Variants in BCAR3 observed in about 807,000 individuals in gnomAD.
BCAR3 encodes the protein BCAR3 adaptor protein, NSP family member.
BCAR3 carries 37 observed loss-of-function variants against 80.1 expected under a neutral mutation model. The ratio of observed to expected loss-of-function variants is 0.46; its 90% CI spans 0.36 to 0.61. The LOEUF (loss-of-function observed/expected upper bound fraction) is 0.61. Among genes scored for constraint, BCAR3 ranks in the 20% least tolerant of loss-of-function variants. The pLI is 0.00. For synonymous variants in BCAR3, 389 were observed against 418.9 expected (o/e 0.93, Z 0.87); for missense variants, 978 against 1,068.2 (o/e 0.92, Z 1.18).
chr1:93,762,254 T>G (rs911812061), intron 2 of BCAR3, among the ~76,000 whole-genome samples: 4 of 152,054 alleles, frequency 2.6e-5, no homozygotes, highest in Non-Finnish European at 4.4e-5. Context: ...AAGCAAGAGA[T>G]CTTTCCACCT....
At position 93,589,056 on chromosome 1, in the gene BCAR3, C is replaced by T; in HGVS notation, c.850G>A (p.Asp284Asn). ...GTGAGGCTCAGCCTCTTGGCCACAT[C>T]CGGCCTTCCCTTGGTGAGGCTGCCC... ...REGSLTKGRP[D>N]VAKRLSLTMG... is the part of the protein sequence containing the mutation. The change falls in exon 5 of 12, where the codon GAT becomes AAT. Residue 284 changes from aspartate (D) to asparagine (N), a missense_variant. By Grantham distance (23) the Asp-to-Asn change is conservative. Transcript: ENST00000260502. 1 of 1,611,936 alleles carries T rather than the reference C, an allele frequency of 6.2e-7. No homozygotes were observed. The highest frequency in any genetic ancestry group is 8.5e-7 in the Non-Finnish European group (1 of 1,178,732).
chr1:93,698,347 G>C (rs1649498832), intron 3 of BCAR3, among the ~76,000 whole-genome samples: 1 of 152,240 alleles, frequency 6.6e-6, no homozygotes, highest in African/African-American at 2.4e-5. Context: ...TGACAGATAA[G>C]ACACTGGTAG....
At chr1:93,613,786 T>C in intron 3 of BCAR3, 1 of 1,529,842 alleles carries the variant, frequency 6.5e-7, no homozygotes, top group East Asian at 2.5e-5. Context: ...TTTAGGAAAC[T>C]CATGCTTTCA....
intron 7 of BCAR3, among the ~76,000 whole-genome samples, chr1:93,579,883 A>C (rs1293123595): frequency 6.6e-6 from 1 of 152,256 alleles, no homozygotes; most frequent in Non-Finnish European, 1.5e-5. Flanking sequence ...ACTAGAACAG[A>C]AATCCTCAAT....
intron 6 of BCAR3, among the ~76,000 whole-genome samples, 166 bp from the exon 7 acceptor site, chr1:93,583,119 AG>A (rs1192296441): frequency 6.6e-6 from 1 of 152,126 alleles, no homozygotes; most frequent in African/African-American, 2.4e-5. Flanking sequence ...GCCCAATCTC[AG>A]GGAGTCTACA....
chr1:93,617,020 A>C (rs991740471), intron 3 of BCAR3, among the ~76,000 whole-genome samples: 8 of 152,240 alleles, frequency 5.3e-5, no homozygotes, highest in Non-Finnish European at 8.8e-5. Flanking sequence ...AAGGGGGTTA[A>C]GGCAGGCCGG....
intron 3 of BCAR3, among the ~76,000 whole-genome samples, chr1:93,625,045 C>T (rs1037204420): frequency 6.6e-6 from 1 of 152,182 alleles, no homozygotes. Flanking sequence ...CCCACCTCTA[C>T]TAAAAATACA....
chr1:93,634,404 A>G (rs982792464), intron 3 of BCAR3, among the ~76,000 whole-genome samples: 6 of 152,058 alleles, frequency 3.9e-5, no homozygotes, highest in African/African-American at 1.4e-4. Flanking sequence ...TAAAATGGGG[A>G]GTTTTGGCTG....
chr1:93,703,888 G>A lies in BCAR3; in HGVS notation c.-12+2204C>T, dbSNP rs774090303. ...CAAGTCCAGGGAGTGACGAGTGCAC[G>A]AGTCAGGTAATGGCTACAGCCAGAC... is the stretch of plus-strand genomic sequence containing the variant. On this transcript the variant is annotated intron_variant, in intron 3 of 13. Transcript: ENST00000370244. 5.8e-4 allele frequency among the ~76,000 whole-genome samples: 88 copies of A among 152,234 alleles called. 1 individual carries two copies. Among genetic ancestry groups the A allele is most frequent in the Non-Finnish European group, 3.7e-4 (25 of 68,036 alleles).
intron 3 of BCAR3, among the ~76,000 whole-genome samples, chr1:93,616,038 A>T (rs141362372): frequency 1.6e-3 from 251 of 152,342 alleles, no homozygotes; most frequent in African/African-American, 5.8e-3. Flanking sequence ...AGTAATATGC[A>T]AATAACTCAG....
chr1:93,622,093 G>A (rs1265594545), intron 3 of BCAR3, among the ~76,000 whole-genome samples: 1 of 152,140 alleles, frequency 6.6e-6, no homozygotes, highest in Non-Finnish European at 1.5e-5. Context: ...TAGAGACACA[G>A]TTTCATCATA....
chr1:93,838,238 C>T (rs983719075), intron 2 of BCAR3, among the ~76,000 whole-genome samples: 5 of 152,184 alleles, frequency 3.3e-5, no homozygotes, highest in East Asian at 1.9e-4. Context: ...CCCTGCTTCC[C>T]GCAAGGGCTT....
At chr1:93,787,006 T>C (rs1485347990) in intron 2 of BCAR3, among the ~76,000 whole-genome samples, 1 of 152,266 alleles carries the variant, frequency 6.6e-6, no homozygotes, top group Admixed American at 6.5e-5. Flanking sequence ...ACTTTCCAGA[T>C]GATTCTTTTG....
intron 7 of BCAR3, among the ~76,000 whole-genome samples, chr1:93,579,937 C>CCGGATAACTTCGCAA (rs1553227836): frequency 4.6e-5 from 7 of 152,376 alleles, no homozygotes; most frequent in Non-Finnish European, 8.8e-5. Context: ...AAAGTGAGGT[C>CCGGATAACTTCGCAA]CGGATAACTT....
At chr1:93,775,856 G>A (rs978180098) in intron 2 of BCAR3, among the ~76,000 whole-genome samples, 3 of 152,222 alleles carry the variant, frequency 2.0e-5, no homozygotes, top group Non-Finnish European at 2.9e-5. Flanking sequence ...GAAACTTGAA[G>A]CAGTGAAGAC....
intron 2 of BCAR3, among the ~76,000 whole-genome samples, chr1:93,816,097 A>G (rs989097660): frequency 2.0e-5 from 3 of 152,154 alleles, no homozygotes; most frequent in African/African-American, 4.8e-5. Context: ...CTATACTAGA[A>G]AATTCCAAGA....
intron 2 of BCAR3, among the ~76,000 whole-genome samples, chr1:93,781,656 T>C (rs957835864): frequency 1.3e-5 from 2 of 152,206 alleles, no homozygotes; most frequent in African/African-American, 4.8e-5. Context: ...CTTGCCTATC[T>C]ACAAAGCCCA....
Position 93,584,138 on chromosome 1 carries a change from A to T in BCAR3, c.930-17T>A, listed in dbSNP as rs1673844523. On this transcript the variant is annotated splice_polypyrimidine_tract_variant and intron_variant, in intron 5 of 11. Transcript: ENST00000260502. ...TCTTTGTTTCTGAAGTAAAAGACAC[A>T]TAGGATGGAAATGTGTTACTAACGT... is the stretch of plus-strand genomic sequence containing the variant. 1.2e-6 allele frequency: 2 copies of T among 1,610,094 alleles called. No individual in the cohort carries two copies. The highest frequency in any genetic ancestry group is 8.5e-7 in the Non-Finnish European group (1 of 1,176,920).
At position 93,567,272 on chromosome 1, in the gene BCAR3, C is replaced by G. The variant is rs749481360; in HGVS notation, c.2299+7G>C. On this transcript the variant is annotated splice_region_variant and intron_variant, in intron 11 of 11. Transcript: ENST00000260502. ...TTAGAGAACAGCTTACAAAACCCAT[C>G]TCTTACCTGCCAGGATCCTCTCAGC... The G allele has an allele frequency of 3.1e-6, 5 of 1,613,496 alleles. No homozygotes were observed. Among genetic ancestry groups the G allele is most frequent in the Admixed American group, 3.3e-5 (2 of 60,008 alleles).
Sources: gnomAD v4.1 joint callset for allele counts (sites outside exome capture counted in the v4.1 genomes callset) on GRCh38, gnomAD v4.1.1 for gene constraint, MANE v1.5 for transcripts, NCBI Gene and HGNC (gene_info 2026-07-23, HGNC 2026-07-21) for gene names.